CEP128: variants seen among roughly 807,000 people sequenced by gnomAD.
CEP128 encodes the protein centrosomal protein 128.
CEP128 carries 132 observed loss-of-function variants against 156.7 expected under a neutral mutation model. That is an observed-to-expected ratio of 0.84 (90% CI 0.73 to 0.97). The LOEUF (loss-of-function observed/expected upper bound fraction) is 0.97, where lower values mean the gene tolerates loss of function less well. Ranked by LOEUF, CEP128 falls within the 50% of genes least tolerant of loss-of-function variation. CEP128 has a pLI of 0.00. For missense variants in CEP128, 1,252 were observed against 1,281.9 expected, an observed-to-expected ratio of 0.98 and a Z score of 0.36; for synonymous variants, 469 against 448.9, an observed-to-expected ratio of 1.04 and a Z score of -0.57.
intron 19 of CEP128, among the ~76,000 whole-genome samples, chr14:80,650,306 G>A (rs1445015170): frequency 6.6e-6 from 1 of 152,136 alleles, no homozygotes; most frequent in Non-Finnish European, 1.5e-5. Context: ...TCAGCTTAAG[G>A]AAAGTTTGGG....
Position 80,536,136 on chromosome 14 carries a change from CA to C in CEP128, c.2881-5251del, listed in dbSNP as rs1889472889. Among the ~76,000 whole-genome samples the C allele has an allele frequency of 2.0e-5, 3 of 151,964 alleles. No homozygotes were observed. In the South Asian group the frequency reaches 6.2e-4, roughly 32 times the overall value. On this transcript the variant is annotated intron_variant, in intron 21 of 24. Coordinates refer to ENST00000555265, the MANE Select transcript of CEP128 (RefSeq NM_152446.5). The stretch of plus-strand genomic sequence containing the variant: ...CCTTTATTTCTGACTGCAGGGAAAC[CA>C]AATAATATAGTATGACAACATAAGT...
At chr14:80,913,058 T>C (rs1327032031) in intron 4 of CEP128, among the ~76,000 whole-genome samples, 1 of 152,212 alleles carries the variant, frequency 6.6e-6, no homozygotes, top group Non-Finnish European at 1.5e-5. Flanking sequence ...AATACATTAT[T>C]AACTTTATTC....
chr14:80,567,095 C>T (rs1890946960), intron 20 of CEP128, among the ~76,000 whole-genome samples: 1 of 152,116 alleles, frequency 6.6e-6, no homozygotes, highest in South Asian at 2.1e-4. Context: ...GTGGTTGATC[C>T]ACATTTCCAA....
At chr14:80,530,915 CATT>C (rs1475325772) in intron 21 of CEP128, 29 bp from the exon 22 acceptor site, 1 of 1,473,184 alleles carries the variant, frequency 6.8e-7, no homozygotes, top group Non-Finnish European at 9.3e-7. Context: ...GGAAACCAAA[CATT>C]ATAAAAAATT....
chr14:80,763,552 T>C (rs1027297967), intron 16 of CEP128, among the ~76,000 whole-genome samples: 4 of 152,226 alleles, frequency 2.6e-5, no homozygotes, highest in Non-Finnish European at 5.9e-5. Flanking sequence ...CTTCAAAGTT[T>C]ATCCTTTAAG....
chr14:80,541,531 T>A (rs981375153), intron 21 of CEP128, among the ~76,000 whole-genome samples: 1 of 151,890 alleles, frequency 6.6e-6, no homozygotes, highest in Non-Finnish European at 1.5e-5. Flanking sequence ...TCCAAATATT[T>A]GTCATGGTGT....
chr14:80,836,804 G>A (rs1195136105), intron 11 of CEP128, among the ~76,000 whole-genome samples: 2 of 152,130 alleles, frequency 1.3e-5, no homozygotes, highest in African/African-American at 4.8e-5. Flanking sequence ...ACTCCTTGAA[G>A]TCAGAAACTG....
intron 19 of CEP128, among the ~76,000 whole-genome samples, chr14:80,735,774 T>G (rs937967992): frequency 6.6e-6 from 1 of 152,140 alleles, no homozygotes; most frequent in African/African-American, 2.4e-5. Flanking sequence ...AGAATCCATT[T>G]CCTTGTCTTT....
intron 19 of CEP128, among the ~76,000 whole-genome samples, chr14:80,680,015 T>G (rs1232630205): frequency 1.3e-5 from 2 of 152,222 alleles, no homozygotes; most frequent in Non-Finnish European, 2.9e-5. Context: ...TCAGCCAGTC[T>G]GTGTGGCAGC....
At chr14:80,567,904 C>G (rs1488752366) in intron 20 of CEP128, among the ~76,000 whole-genome samples, 1 of 151,776 alleles carries the variant, frequency 6.6e-6, no homozygotes, top group Admixed American at 6.6e-5. Flanking sequence ...AGGCCAACAA[C>G]TCAGAAACCA....
chr14:80,705,662 T>A (rs1897217661), intron 19 of CEP128, among the ~76,000 whole-genome samples: 2 of 152,136 alleles, frequency 1.3e-5, no homozygotes, highest in African/African-American at 4.8e-5. Flanking sequence ...CAGGCTAGGT[T>A]AGAAAAGGCA....
Position 80,706,515 on chromosome 14 carries a change from T to C in CEP128, c.2806+36560A>G, listed in dbSNP as rs573369295. On this transcript the variant is annotated intron_variant, in intron 19 of 24. Coordinates refer to ENST00000555265, the MANE Select transcript of CEP128 (RefSeq NM_152446.5). ...CCTCCATGATTTCAGATGAGAAATC[T>C]CCTGTCATTCAAATTGCTGTTGCCC... 1.7e-4 allele frequency among the ~76,000 whole-genome samples: 26 copies of C among 152,080 alleles called. 1 individual carries two copies. Among genetic ancestry groups the C allele is most frequent in the Non-Finnish European group, 3.5e-4 (24 of 67,998 alleles).
intron 16 of CEP128, among the ~76,000 whole-genome samples, chr14:80,770,269 T>C (rs538238326): frequency 2.2e-4 from 33 of 152,360 alleles, no homozygotes; most frequent in South Asian, 6.2e-4. Flanking sequence ...AGGAAAGTCA[T>C]TGCCAATTGA....
intron 19 of CEP128, among the ~76,000 whole-genome samples, chr14:80,722,222 G>T (rs964940632): frequency 6.6e-6 from 1 of 152,116 alleles, no homozygotes; most frequent in Admixed American, 6.6e-5. Context: ...AGGATGTTCA[G>T]TTCAAATTAT....
intron 21 of CEP128, among the ~76,000 whole-genome samples, chr14:80,558,587 C>T (rs979428551): frequency 2.0e-5 from 3 of 151,940 alleles, no homozygotes; most frequent in African/African-American, 7.3e-5. Flanking sequence ...CGCGCCTGGC[C>T]AATTTTTGTA....
intron 19 of CEP128, among the ~76,000 whole-genome samples, chr14:80,681,394 T>C (rs1477512685): frequency 6.6e-6 from 1 of 152,148 alleles, no homozygotes; most frequent in East Asian, 1.9e-4. Flanking sequence ...TCTCCAGCAA[T>C]GGTACCTAAC....
intron 22 of CEP128, chr14:80,527,328 G>T: frequency 2.7e-6 from 1 of 372,300 alleles, no homozygotes; most frequent in Non-Finnish European, 5.4e-6. Flanking sequence ...TACTCAGGAG[G>T]CTGAGGTGGG....
intron 21 of CEP128, among the ~76,000 whole-genome samples, chr14:80,551,517 C>T (rs1221779923): frequency 6.6e-6 from 1 of 152,184 alleles, no homozygotes; most frequent in African/African-American, 2.4e-5. Context: ...CTTCCTTTCT[C>T]AATTCAGTGG....
At chr14:80,592,797 C>T (rs542266265) in intron 19 of CEP128, among the ~76,000 whole-genome samples, 1 of 152,268 alleles carries the variant, frequency 6.6e-6, no homozygotes, top group African/African-American at 2.4e-5. Flanking sequence ...ATAAGCTTAT[C>T]CATAATCATC....
Sources: allele counts gnomAD v4.1 joint callset (sites outside exome capture counted in the v4.1 genomes callset), GRCh38; gene constraint gnomAD v4.1.1; transcripts MANE v1.5; gene names NCBI Gene and HGNC (gene_info 2026-07-23, HGNC 2026-07-21).